Variants in ZNF780B observed in about 807,000 individuals in gnomAD.
ZNF780B encodes zinc finger protein 780B, also known as zinc finger protein 779.
In ZNF780B, 52 loss-of-function variants were observed where a neutral mutation model predicts 74.1. The observed-to-expected ratio is 0.70, with a 90% CI of 0.56 to 0.88. The LOEUF is 0.88. ZNF780B is among the 40% of genes least tolerant of loss of function. The probability of loss-of-function intolerance (pLI) is 0.00; values close to 1 mark genes in which losing one functional copy is unlikely to be tolerated. For missense variants in ZNF780B, 953 were observed against 1,007.6 expected (o/e 0.95, Z 0.73); for synonymous variants, 315 against 324.3 (o/e 0.97, Z 0.31).
chr19:40,040,485 G>T (rs1471872746), intron 4 of ZNF780B, among the ~76,000 whole-genome samples: 4 of 152,040 alleles, frequency 2.6e-5, no homozygotes, highest in Non-Finnish European at 5.9e-5. Context: ...AGAAGGAATG[G>T]TACCAGCTCC....
chr19:40,035,161 A>G lies in ZNF780B; in HGVS notation c.1698T>C (p.Phe566=), dbSNP rs781311740. The change falls in exon 5 of 5, where the codon TTT becomes TTC. Residue 566 remains phenylalanine (F), a synonymous_variant. Coordinates refer to ENST00000434248, the MANE Select transcript of ZNF780B (RefSeq NM_001005851.3). ...PFECKECGKF[F]RRGSNLNQHR... ...GTTGATTAAGATTTGAACCACGACGAAAGAATTTCCCACATTCCTTACATT... is the reference window on the plus strand; with the variant it reads ...GTTGATTAAGATTTGAACCACGACGGAAGAATTTCCCACATTCCTTACATT... 3.1e-6 allele frequency: 5 copies of G among 1,613,592 alleles called. No homozygotes were observed. Among genetic ancestry groups the G allele is most frequent in the Non-Finnish European group, 4.2e-6 (5 of 1,179,684 alleles).
At position 40,031,916 on chromosome 19, in the gene ZNF780B, A is replaced by T. The variant is rs1972019779; in HGVS notation, c.*2441T>A. 1.2e-5 allele frequency: 4 copies of T among 331,960 alleles called. No homozygotes were observed. The highest frequency in any genetic ancestry group is 2.4e-5 in the Non-Finnish European group (4 of 167,044). The allele number at this position is 331,960 out of a possible 1,614,324, so 20.6% of individuals were successfully genotyped here. Reference sequence around the variant, plus strand: ...CGGCGGTTACCAGCTTACCCAAATGATCATCCTTAGTTTCACTAATGCAAG... The same window carrying T: ...CGGCGGTTACCAGCTTACCCAAATGTTCATCCTTAGTTTCACTAATGCAAG... On this transcript the variant is annotated 3_prime_UTR_variant, in exon 5 of 5. Transcript: ENST00000434248.
Position 40,050,951 on chromosome 19 carries a change from T to A in ZNF780B, c.-45-574A>T, listed in dbSNP as rs77671213. 4.2e-3 allele frequency among the ~76,000 whole-genome samples: 637 copies of A among 152,324 alleles called. 11 individuals are homozygous for A. Among genetic ancestry groups the A allele is most frequent in the South Asian group, 0.033 (159 of 4,830 alleles). ...AGCCATGTAATAGAATACAAAGTAA[T>A]CATTAATTGTTCCAGACATATGATT... On this transcript the variant is annotated intron_variant, in intron 1 of 4. Coordinates refer to ENST00000434248, the MANE Select transcript of ZNF780B (RefSeq NM_001005851.3).
chr19:40,042,278 G>T (rs1972681233), intron 4 of ZNF780B, among the ~76,000 whole-genome samples: 1 of 152,200 alleles, frequency 6.6e-6, no homozygotes, highest in Admixed American at 6.5e-5. Flanking sequence ...TCCGCTGTTA[G>T]TTTGATGGGC....
chr19:40,053,898 T>G (rs995621594), intron 1 of ZNF780B, among the ~76,000 whole-genome samples: 9 of 152,206 alleles, frequency 5.9e-5, no homozygotes, highest in African/African-American at 2.2e-4. Flanking sequence ...CCCAGCACTT[T>G]CGAAAGCGGA....
intron 4 of ZNF780B, among the ~76,000 whole-genome samples, chr19:40,043,564 T>A (rs1568418217): frequency 6.6e-6 from 1 of 152,238 alleles, no homozygotes; most frequent in Non-Finnish European, 1.5e-5. Context: ...CCACCCAGTT[T>A]GAGCTCCCCG....
chr19:40,049,635 G>A (rs1568424548), intron 2 of ZNF780B, among the ~76,000 whole-genome samples: 1 of 152,148 alleles, frequency 6.6e-6, no homozygotes, highest in South Asian at 2.1e-4. Flanking sequence ...CCAGTCTGTG[G>A]AGGAGTTTCA....
chr19:40,045,799 C>A (rs1244502802), intron 4 of ZNF780B, among the ~76,000 whole-genome samples: 2 of 152,040 alleles, frequency 1.3e-5, no homozygotes, highest in Non-Finnish European at 1.5e-5. Context: ...ACCAGCCTGG[C>A]CAATGTGGTG....
intron 4 of ZNF780B, among the ~76,000 whole-genome samples, chr19:40,037,490 G>C (rs886180990): frequency 8.6e-5 from 13 of 151,896 alleles, no homozygotes; most frequent in African/African-American, 2.7e-4. Flanking sequence ...TACCCAAGCT[G>C]GTCTTGAACT....
chr19:40,054,535 C>T (rs1973392773), intron 1 of ZNF780B, among the ~76,000 whole-genome samples: 2 of 152,124 alleles, frequency 1.3e-5, no homozygotes, highest in South Asian at 4.1e-4. Flanking sequence ...TTAAAAAGAA[C>T]TTCTGTCCTA....
intron 3 of ZNF780B, 47 bp from the exon 4 acceptor site, chr19:40,047,517 T>G (rs762383301): frequency 7.0e-7 from 1 of 1,430,756 alleles, no homozygotes; most frequent in Admixed American, 2.4e-5. Flanking sequence ...ATATAAAAAT[T>G]TTTTTTAAAC....
intron 4 of ZNF780B, among the ~76,000 whole-genome samples, chr19:40,037,768 T>C (rs1372502200): frequency 6.6e-6 from 1 of 152,174 alleles, no homozygotes; most frequent in Non-Finnish European, 1.5e-5. Context: ...TCCCTCCTTT[T>C]AGCAACCAGA....
Position 40,033,331 on chromosome 19 carries a change from A to G in ZNF780B, c.*1026T>C, listed in dbSNP as rs924581138. 6.5e-6 allele frequency: 1 copy of G among 155,000 alleles called. No homozygotes were observed. The highest frequency in any genetic ancestry group is 1.5e-5 in the Non-Finnish European group (1 of 68,258). 9.6% of individuals were successfully genotyped at this position (155,000 alleles called of 1,614,324 possible). A position where few individuals can be genotyped will look rare whatever the true frequency, so the allele number is the denominator to read the frequency against. On this transcript the variant is annotated 3_prime_UTR_variant, in exon 5 of 5. Coordinates refer to ENST00000434248, the MANE Select transcript of ZNF780B (RefSeq NM_001005851.3). ...CCTTCAGTGTGTATAAAATGCAGTA[A>G]CTGCAATGCACAATTAAGCAAGGTA...
At chr19:40,046,073 T>C (rs1297018750) in intron 4 of ZNF780B, among the ~76,000 whole-genome samples, 1 of 151,966 alleles carries the variant, frequency 6.6e-6, no homozygotes, top group Non-Finnish European at 1.5e-5. Flanking sequence ...AATAGAATGA[T>C]AGAAACCAGA....
rs762397878 is a variant in ZNF780B, at chr19:40,034,347, TCAAAGGTTTTCACC to T, written c.2498_*9del. On this transcript the variant is annotated stop_lost and 3_prime_UTR_variant, in exon 5 of 5. Transcript: ENST00000434248. ...AAAGGCCTTCCCACATTCCTTACAT[TCAAAGGTTTTCACC>T]CAAGTATGAATTTTCTGATGTTCAG... 1.9e-6 allele frequency: 3 copies of T among 1,595,510 alleles called. No individual in the cohort carries two copies. The Admixed American group carries it at 5.2e-5, about 28-fold the overall frequency.
rs768215511 is a variant in ZNF780B at position 40,036,039 on chromosome 19, C to T, written c.820G>A (p.Val274Ile). Residue 274 changes from valine to isoleucine, a missense_variant, in exon 5 of 5, where the codon GTA (valine) becomes ATA (isoleucine). Physicochemically the swap from Val to Ile is conservative, Grantham distance 29 (BLOSUM62 3). Coordinates refer to ENST00000434248, the MANE Select transcript of ZNF780B (RefSeq NM_001005851.3). ...LTQHQSIHAG[V>I]KPYQCKECGK... ...CACTCCTTACATTGATATGGTTTTA[C>T]ACCAGCATGAATACTTTGATGCTGA... 6.2e-7 allele frequency: 1 copy of T among 1,613,962 alleles called. No individual in the cohort carries two copies. Among genetic ancestry groups the T allele is most frequent in the South Asian group, 1.1e-5 (1 of 91,052 alleles).
rs376095765 is a variant in ZNF780B, at chr19:40,034,807, A to C, written c.2052T>G (p.Leu684=). 1.2e-6 allele frequency: 2 copies of C among 1,613,952 alleles called. No individual in the cohort carries two copies. The highest frequency in any genetic ancestry group is 1.3e-5 in the African/African-American group (1 of 74,890). Reference sequence around the variant, plus strand: ...TGGAATGAGTTTTCTGATGCTGAATAAGGTTTGAAACACGACTAAAGCCTT... The same window carrying C: ...TGGAATGAGTTTTCTGATGCTGAATCAGGTTTGAAACACGACTAAAGCCTT... ...CGKGFSRVSN[L]IQHQKTHSSA... The change falls in exon 5 of 5, where the codon CTT becomes CTG. Residue 684 remains leucine, a synonymous_variant. Coordinates refer to ENST00000434248, the MANE Select transcript of ZNF780B (RefSeq NM_001005851.3).
At chr19:40,052,157 G>T (rs1973259441) in intron 1 of ZNF780B, among the ~76,000 whole-genome samples, 1 of 151,956 alleles carries the variant, frequency 6.6e-6, no homozygotes, top group African/African-American at 2.4e-5. Flanking sequence ...ACAATCTTTT[G>T]ATTCTAGACT....
At position 40,036,143 on chromosome 19, in the gene ZNF780B, T is replaced by C; in HGVS notation, c.716A>G (p.His239Arg). The change falls in exon 5 of 5, where the codon CAT (histidine) becomes CGT (arginine). Residue 239 changes from histidine (H) to arginine (R), a missense_variant. By Grantham distance (29) the His-to-Arg change is conservative. Transcript: ENST00000434248. The part of the protein sequence containing the change: ...AFNLPTQLNR[H>R]KNIHTVKKLF... The stretch of plus-strand genomic sequence containing the variant: ...TTTCTTAACTGTGTGAATGTTCTTA[T>C]GGCGATTAAGCTGGGTGGGAAGATT... 1.2e-6 allele frequency: 2 copies of C among 1,614,076 alleles called. No homozygotes were observed. Among genetic ancestry groups the C allele is most frequent in the Non-Finnish European group, 8.5e-7 (1 of 1,179,986 alleles).
Sources: gnomAD v4.1 joint callset for allele counts (sites outside exome capture counted in the v4.1 genomes callset) on GRCh38, gnomAD v4.1.1 for gene constraint, MANE v1.5 for transcripts, NCBI Gene and HGNC (gene_info 2026-07-23, HGNC 2026-07-21) for gene names.